The following PXDNL variants were observed in gnomAD, a reference collection of about 807,000 sequenced individuals.
PXDNL encodes peroxidasin like.
In PXDNL, 145 loss-of-function variants were observed where a neutral mutation model predicts 150.8. That is an observed-to-expected ratio of 0.96 (90% CI 0.84 to 1.10). The LOEUF (loss-of-function observed/expected upper bound fraction) is 1.10. Among genes scored for constraint, PXDNL ranks in the 50% least tolerant of loss-of-function variants. The pLI, the probability that PXDNL is intolerant of heterozygous loss-of-function variation, is 0.00. For synonymous variants in PXDNL, 757 were observed against 725.7 expected (o/e 1.04, Z -0.69); for missense variants, 2,087 against 1,873.9 (o/e 1.11, Z -2.10).
chr8:51,378,657 G>GT (rs1359343293), intron 17 of PXDNL, among the ~76,000 whole-genome samples: 1 of 152,166 alleles, frequency 6.6e-6, no homozygotes, highest in South Asian at 2.1e-4. Context: ...TTTATGAGCT[G>GT]TAACACTCAC....
rs867446777 is a variant in PXDNL at position 51,748,453 on chromosome 8, G to T, written c.164+60728C>A. On this transcript the variant is annotated intron_variant, in intron 1 of 22. Coordinates refer to ENST00000356297, the MANE Select transcript of PXDNL (RefSeq NM_144651.5). ...CGGTGAGCAGCTCAAACCCTGCATT[G>T]TGGGTGGGCAGAAAGGCAGGTGGGG... Among the ~76,000 whole-genome samples the T allele has an allele frequency of 9.2e-5, 14 of 152,310 alleles. No individual in the cohort carries two copies. In the South Asian group the frequency reaches 2.9e-3, roughly 32 times the overall value.
intron 1 of PXDNL, among the ~76,000 whole-genome samples, chr8:51,793,926 A>G (rs1259974987): frequency 6.6e-6 from 1 of 152,014 alleles, no homozygotes; most frequent in Non-Finnish European, 1.5e-5. Flanking sequence ...TGGAAAAAAA[A>G]GTTACAGGAG....
intron 21 of PXDNL, among the ~76,000 whole-genome samples, chr8:51,323,518 G>A (rs1805388747): frequency 1.3e-5 from 2 of 152,054 alleles, no homozygotes; most frequent in South Asian, 4.1e-4. Context: ...TAAACTCCTG[G>A]GCTCAAGCAA....
intron 4 of PXDNL, among the ~76,000 whole-genome samples, chr8:51,547,716 C>T (rs1163236369): frequency 3.3e-5 from 5 of 152,174 alleles, no homozygotes; most frequent in Non-Finnish European, 7.4e-5. Flanking sequence ...CCAGATCTTT[C>T]CACTGAAACA....
intron 19 of PXDNL, among the ~76,000 whole-genome samples, chr8:51,364,429 G>A (rs572402415): frequency 6.6e-6 from 1 of 152,274 alleles, no homozygotes; most frequent in Admixed American, 6.5e-5. Context: ...CCATTGATGT[G>A]GGTAGCTTTT....
chr8:51,755,422 G>C (rs1563311035), intron 1 of PXDNL, among the ~76,000 whole-genome samples: 1 of 151,928 alleles, frequency 6.6e-6, no homozygotes, highest in Non-Finnish European at 1.5e-5. Context: ...AGCCTCCTGA[G>C]TAGCTGGGAT....
intron 8 of PXDNL, among the ~76,000 whole-genome samples, chr8:51,466,064 A>G (rs1358592830): frequency 6.6e-6 from 1 of 152,146 alleles, no homozygotes; most frequent in Admixed American, 6.5e-5. Flanking sequence ...TAAAATTCAT[A>G]TGAAACAGAA....
At chr8:51,606,374 A>T (rs1432015199) in intron 2 of PXDNL, among the ~76,000 whole-genome samples, 1 of 152,314 alleles carries the variant, frequency 6.6e-6, no homozygotes, top group African/African-American at 2.4e-5. Flanking sequence ...CCAGCAGTGG[A>T]TCCTTCATGT....
intron 12 of PXDNL, among the ~76,000 whole-genome samples, chr8:51,437,378 A>G (rs1004748479): frequency 3.3e-5 from 5 of 152,214 alleles, no homozygotes; most frequent in East Asian, 1.9e-4. Flanking sequence ...AGGAAAGGAC[A>G]TAACAGAAAA....
intron 1 of PXDNL, among the ~76,000 whole-genome samples, chr8:51,737,557 G>A (rs1199299671): frequency 2.0e-5 from 3 of 152,178 alleles, no homozygotes; most frequent in African/African-American, 7.2e-5. Flanking sequence ...CTACCCTGAT[G>A]AAGAGTATCT....
chr8:51,498,337 T>C (rs4504628), intron 5 of PXDNL, among the ~76,000 whole-genome samples: 145,232 of 151,510 alleles, frequency 0.96, 69,921 homozygotes, highest in East Asian at 1. Context: ...TGTTAAATAA[T>C]GACTTAATGG....
At chr8:51,538,543 A>G (rs1435418348) in intron 4 of PXDNL, among the ~76,000 whole-genome samples, 1 of 152,116 alleles carries the variant, frequency 6.6e-6, no homozygotes, top group Non-Finnish European at 1.5e-5. Context: ...AGGCGGGTGG[A>G]TCACCTGAGG....
intron 1 of PXDNL, among the ~76,000 whole-genome samples, chr8:51,658,614 C>T (rs1244713328): frequency 1.3e-5 from 2 of 152,084 alleles, no homozygotes; most frequent in Non-Finnish European, 2.9e-5. Flanking sequence ...GGGCCTTGCA[C>T]AGTGTATTAC....
intron 14 of PXDNL, among the ~76,000 whole-genome samples, chr8:51,419,000 A>G (rs1808876565): frequency 6.6e-6 from 1 of 152,162 alleles, no homozygotes; most frequent in Non-Finnish European, 1.5e-5. Flanking sequence ...GAGGAAGATA[A>G]ATCGTGAGGG....
chr8:51,805,315 A>G (rs118132325), intron 1 of PXDNL, among the ~76,000 whole-genome samples: 9,213 of 149,148 alleles, frequency 0.062, 373 homozygotes, highest in Non-Finnish European at 0.088. Context: ...TTATATATAC[A>G]TATATATATT....
intron 4 of PXDNL, among the ~76,000 whole-genome samples, chr8:51,526,875 G>T (rs1811781150): frequency 6.6e-6 from 1 of 152,052 alleles, no homozygotes; most frequent in Non-Finnish European, 1.5e-5. Flanking sequence ...TGTCCGGCAG[G>T]CACTTTCACA....
intron 1 of PXDNL, among the ~76,000 whole-genome samples, chr8:51,774,841 T>A (rs559497033): frequency 2.6e-5 from 4 of 152,022 alleles, no homozygotes; most frequent in South Asian, 4.2e-4. Context: ...AAAATAAAAA[T>A]AAAAAATAAT....
At chr8:51,711,093 A>G (rs773066708) in intron 1 of PXDNL, among the ~76,000 whole-genome samples, 7 of 152,242 alleles carry the variant, frequency 4.6e-5, no homozygotes, top group Non-Finnish European at 1.0e-4. Flanking sequence ...GTTTACAGAT[A>G]TCATGGTATT....
chr8:51,449,192 TG>T, intron 10 of PXDNL, 74 bp from the exon 11 acceptor site: 1 of 765,526 alleles, frequency 1.3e-6, no homozygotes. Context: ...AAAAAGAAAA[TG>T]TCTTCAAATA....
Sources: gnomAD v4.1 joint callset for allele counts (sites outside exome capture counted in the v4.1 genomes callset) on GRCh38, gnomAD v4.1.1 for gene constraint, MANE v1.5 for transcripts, NCBI Gene and HGNC (gene_info 2026-07-23, HGNC 2026-07-21) for gene names.